Variants in FAM177B observed in about 807,000 individuals in gnomAD.
The protein encoded by FAM177B is family with sequence similarity 177 member B.
FAM177B carries 16 observed loss-of-function variants against 16.1 expected under a neutral mutation model. That is an observed-to-expected ratio of 0.99 (90% CI 0.67 to 1.51). The LOEUF is 1.51. Among genes scored for constraint, FAM177B ranks in the 40% most tolerant of loss-of-function variants. The pLI is 0.00. For missense variants in FAM177B, 178 were observed against 183.7 expected (o/e 0.97, Z 0.18); for synonymous variants, 56 against 59.9 (o/e 0.93, Z 0.30).
chr1:222,746,661 C>T lies in FAM177B; in HGVS notation c.116C>T (p.Thr39Ile), dbSNP rs371775222. 2 of 1,613,400 alleles carry T rather than the reference C, an allele frequency of 1.2e-6. No individual in the cohort carries two copies. Among genetic ancestry groups the T allele is most frequent in the Non-Finnish European group, 1.7e-6 (2 of 1,179,622 alleles). The change falls in exon 3 of 6, where the codon ACA becomes ATA. Residue 39 changes from threonine (T) to isoleucine (I), a missense_variant. By Grantham distance (89) the Thr-to-Ile change is moderately conservative (BLOSUM62 -1). Coordinates refer to ENST00000445590, the MANE Select transcript of FAM177B (RefSeq NM_001394345.1). Reference protein sequence around the residue: ...VDGDIMEEYSTEEEEEEEKEE... With the variant: ...VDGDIMEEYSIEEEEEEEKEE... ...GGAGACATCATGGAAGAATATAGCA[C>T]AGAGGAGGAGGAGGAAGAGGAAAAG...
chr1:222,747,200 A>C, intron 4 of FAM177B, 119 bp downstream of exon 4: 1 of 717,550 alleles, frequency 1.4e-6, no homozygotes. Flanking sequence ...AATAAGTGAG[A>C]TCTGGGCTAA....
In FAM177B at chr1:222,747,033, C is replaced by T. The variant is rs1469019974; in HGVS notation, c.193C>T (p.Pro65Ser). 6.2e-7 allele frequency: 1 copy of T among 1,611,112 alleles called. No homozygotes were observed. Among genetic ancestry groups the T allele is most frequent in the Admixed American group, 1.7e-5 (1 of 60,016 alleles). ...TLDPSKLSWG[P>S]YLRFWAGRIA... is the part of the protein sequence containing the mutation. ...TTTTCAGTCTAAACTTTCCTGGGGGCCCTACCTACGATTTTGGGCAGGACG... is the reference window on the plus strand; with the variant it reads ...TTTTCAGTCTAAACTTTCCTGGGGGTCCTACCTACGATTTTGGGCAGGACG... The change falls in exon 4 of 6, where the codon CCC becomes TCC. Residue 65 changes from proline (P) to serine (S), a missense_variant. Coordinates refer to ENST00000445590, the MANE Select transcript of FAM177B (RefSeq NM_001394345.1).
Position 222,750,324 on chromosome 1 carries a change from T to G in FAM177B, c.*266T>G. On this transcript the variant is annotated 3_prime_UTR_variant, in exon 6 of 6. Transcript: ENST00000445590. ...CCCCACCTCAACTCCACCCCTGTGATACAAGTCCCATGAGTACTGACATTT... is the reference window on the plus strand; with the variant it reads ...CCCCACCTCAACTCCACCCCTGTGAGACAAGTCCCATGAGTACTGACATTT... The G allele has an allele frequency of 8.0e-7, 1 of 1,253,704 alleles. No homozygotes were observed. The highest frequency in any genetic ancestry group is 1.0e-6 in the Non-Finnish European group (1 of 995,732). 77.7% of individuals were successfully genotyped at this position (1,253,704 alleles called of 1,614,324 possible). A position where few individuals can be genotyped will look rare whatever the true frequency, so the allele number is the denominator to read the frequency against.
At chr1:222,747,172 C>A in intron 4 of FAM177B, 91 bp downstream of exon 4, 1 of 875,796 alleles carries the variant, frequency 1.1e-6, no homozygotes, top group Non-Finnish European at 1.9e-6. Flanking sequence ...ATTGTGTAAG[C>A]CACTCCATCG....
intron 2 of FAM177B, chr1:222,742,499 A>T (rs1184631103): frequency 6.6e-6 from 1 of 152,206 alleles, no homozygotes; most frequent in Non-Finnish European, 1.5e-5. Flanking sequence ...AGCTATTATT[A>T]GGTAAATGTT....
chr1:222,743,490 C>T (rs1358485466), intron 2 of FAM177B, among the ~76,000 whole-genome samples: 1 of 152,078 alleles, frequency 6.6e-6, no homozygotes, highest in Non-Finnish European at 1.5e-5. Context: ...TCAGTATACC[C>T]TGTCTTGTTG....
chr1:222,744,939 T>C (rs978280771), intron 2 of FAM177B, among the ~76,000 whole-genome samples: 1 of 152,214 alleles, frequency 6.6e-6, no homozygotes, highest in Non-Finnish European at 1.5e-5. Flanking sequence ...ACTTTATAGT[T>C]AATCTTAACC....
intron 2 of FAM177B, among the ~76,000 whole-genome samples, chr1:222,741,924 C>CTTTCTTTCTT (rs1361943342): frequency 5.8e-5 from 6 of 104,336 alleles, no homozygotes; most frequent in Middle Eastern, 5.7e-3. Context: ...CTCTCTCTCT[C>CTTTCTTTCTT]TCTCTCTTTC....
chr1:222,741,628 A>G (rs1658537227), intron 2 of FAM177B, among the ~76,000 whole-genome samples: 1 of 151,114 alleles, frequency 6.6e-6, no homozygotes, highest in South Asian at 2.1e-4. Flanking sequence ...AAACTCCCAG[A>G]CTCAAGCAAG....
chr1:222,741,062 T>TTC (rs1553303972), intron 2 of FAM177B, among the ~76,000 whole-genome samples: 1 of 136,040 alleles, frequency 7.4e-6, no homozygotes, highest in Non-Finnish European at 1.6e-5. Flanking sequence ...GTTTTCTTTT[T>TTC]TTTTTTTTTT....
intron 2 of FAM177B, among the ~76,000 whole-genome samples, chr1:222,745,321 C>T (rs1006764926): frequency 6.6e-6 from 1 of 152,136 alleles, no homozygotes; most frequent in Non-Finnish European, 1.5e-5. Context: ...TTATGTTTAA[C>T]TTTTAAGAGA....
intron 2 of FAM177B, among the ~76,000 whole-genome samples, chr1:222,740,196 C>A (rs900292783): frequency 6.6e-6 from 1 of 152,148 alleles, no homozygotes; most frequent in African/African-American, 2.4e-5. Context: ...TTAAACTCAG[C>A]ACTGTAGCAA....
chr1:222,745,171 G>A (rs543765445), intron 2 of FAM177B, among the ~76,000 whole-genome samples: 13 of 152,234 alleles, frequency 8.5e-5, no homozygotes, highest in Admixed American at 2.6e-4. Context: ...TTTATCCATC[G>A]TCAGTGGATG....
In FAM177B at chr1:222,746,536, T is replaced by C. The variant is rs1332196079; in HGVS notation, c.-10T>C. 1 of 1,570,980 alleles carries C rather than the reference T, an allele frequency of 6.4e-7. No individual in the cohort carries two copies. Among genetic ancestry groups the C allele is most frequent in the Admixed American group, 1.8e-5 (1 of 55,296 alleles). On this transcript the variant is annotated 5_prime_UTR_variant, in exon 3 of 6. Coordinates refer to ENST00000445590, the MANE Select transcript of FAM177B (RefSeq NM_001394345.1). ...CCCTGTTTTTAATTTTCTAGTTGTT[T>C]TGTTTCATTATGGAGATTGACGGTT...
At chr1:222,748,274 AG>A (rs957757038) in intron 4 of FAM177B, among the ~76,000 whole-genome samples, 1 of 152,206 alleles carries the variant, frequency 6.6e-6, no homozygotes, top group Non-Finnish European at 1.5e-5. Context: ...TTAAGGCAAA[AG>A]GGTTTGAAAA....
chr1:222,750,578 G>T lies in FAM177B; in HGVS notation c.*520G>T. On this transcript the variant is annotated 3_prime_UTR_variant, in exon 6 of 6. Transcript: ENST00000445590. ...CAATAAGTAAACATTGCTAATAACT[G>T]TGTTACAAGATCATTATCAAGATCT... 1 of 972,112 alleles carries T rather than the reference G, an allele frequency of 1.0e-6. No homozygotes were observed. Among genetic ancestry groups the T allele is most frequent in the Non-Finnish European group, 1.2e-6 (1 of 817,816 alleles). 60.2% of individuals were successfully genotyped at this position (972,112 alleles called of 1,614,324 possible).
At chr1:222,742,853 G>A (rs941915842) in intron 2 of FAM177B, among the ~76,000 whole-genome samples, 18 of 151,976 alleles carry the variant, frequency 1.2e-4, no homozygotes, top group East Asian at 3.9e-4. Context: ...GTCTTCTTTC[G>A]GGATATTGTA....
intron 4 of FAM177B, among the ~76,000 whole-genome samples, chr1:222,747,956 C>T (rs1306171351): frequency 3.3e-5 from 5 of 152,112 alleles, no homozygotes; most frequent in Non-Finnish European, 7.3e-5. Flanking sequence ...GGGGCTCTGA[C>T]CTGGAAGACT....
Position 222,750,651 on chromosome 1 carries a change from A to T in FAM177B, c.*593A>T. The T allele has an allele frequency of 1.5e-6, 1 of 647,616 alleles. No individual in the cohort carries two copies. Among genetic ancestry groups the T allele is most frequent in the Non-Finnish European group, 1.9e-6 (1 of 522,006 alleles). The allele number at this position is 647,616 out of a possible 1,614,324, so 40.1% of individuals were successfully genotyped here. On this transcript the variant is annotated 3_prime_UTR_variant, in exon 6 of 6. Coordinates refer to ENST00000445590, the MANE Select transcript of FAM177B (RefSeq NM_001394345.1). ...CAAATTAAAACAATTGATAAATAAT[A>T]TAAGCTCTAGAAAAAAATATTAATG...
Sources: gnomAD v4.1 joint callset for allele counts (sites outside exome capture counted in the v4.1 genomes callset) on GRCh38, gnomAD v4.1.1 for gene constraint, MANE v1.5 for transcripts, NCBI Gene and HGNC (gene_info 2026-07-23, HGNC 2026-07-21) for gene names.